GRHL2: variants seen among roughly 807,000 people sequenced by gnomAD.
GRHL2 encodes the protein grainyhead-like protein 2 homolog.
In GRHL2, 21 loss-of-function variants were observed where a neutral mutation model predicts 83.8. The ratio of observed to expected loss-of-function variants is 0.25; its 90% CI spans 0.18 to 0.36. The LOEUF (loss-of-function observed/expected upper bound fraction) is 0.36. GRHL2 is among the 10% of genes least tolerant of loss of function. GRHL2 has a pLI of 1.00. For synonymous variants in GRHL2, 280 were observed against 278.9 expected (o/e 1.00, Z -0.04); for missense variants, 623 against 781.8 (o/e 0.80, Z 2.42).
At chr8:101,634,648 C>T (rs1364838605) in intron 11 of GRHL2, among the ~76,000 whole-genome samples, 2 of 152,216 alleles carry the variant, frequency 1.3e-5, no homozygotes, top group African/African-American at 4.8e-5. Flanking sequence ...CAGTTGTGCA[C>T]AACTGCGGGG....
intron 11 of GRHL2, among the ~76,000 whole-genome samples, chr8:101,634,184 A>G (rs560873724): frequency 6.6e-6 from 1 of 152,290 alleles, no homozygotes; most frequent in East Asian, 1.9e-4. Flanking sequence ...GGCCTTCCTC[A>G]GAGCTCTCAG....
At position 101,666,777 on chromosome 8, in the gene GRHL2, C is replaced by T; in HGVS notation, c.*74C>T. 1.1e-6 allele frequency: 1 copy of T among 915,514 alleles called. No individual in the cohort carries two copies. Among genetic ancestry groups the T allele is most frequent in the Non-Finnish European group, 1.8e-6 (1 of 552,188 alleles). 56.7% of individuals were successfully genotyped at this position (915,514 alleles called of 1,614,324 possible). On this transcript the variant is annotated 3_prime_UTR_variant, in exon 16 of 16. Coordinates refer to ENST00000646743, the MANE Select transcript of GRHL2 (RefSeq NM_024915.4). ...CTGAGAGAGACAGAAGCCCCAGCCC[C>T]AGAACCTGGAGACCCATCTCCCCCA...
chr8:101,514,410 G>A (rs914354210), intron 1 of GRHL2, among the ~76,000 whole-genome samples: 1 of 152,230 alleles, frequency 6.6e-6, no homozygotes, highest in Non-Finnish European at 1.5e-5. Flanking sequence ...AGGGAATGGA[G>A]TAGGGGAGCT....
chr8:101,506,417 T>C (rs537987763), intron 1 of GRHL2, among the ~76,000 whole-genome samples: 3 of 152,350 alleles, frequency 2.0e-5, no homozygotes, highest in East Asian at 3.9e-4. Context: ...AGTATATCAA[T>C]GTGGTTTTAC....
intron 14 of GRHL2, among the ~76,000 whole-genome samples, chr8:101,652,723 A>G (rs1219419459): frequency 6.6e-6 from 1 of 151,974 alleles, no homozygotes; most frequent in East Asian, 1.9e-4. Flanking sequence ...CTAGCTGGAC[A>G]AGTTTCTTAA....
At chr8:101,652,565 TGTGTGTGTG>T (rs1444634566) in intron 14 of GRHL2, among the ~76,000 whole-genome samples, 1 of 100,634 alleles carries the variant, frequency 9.9e-6, no homozygotes, top group South Asian at 3.6e-4. Flanking sequence ...TGTGTGGTGG[TGTGTGTGTG>T]GTGTGTGTGG....
chr8:101,571,007 C>A (rs947113307), intron 5 of GRHL2, among the ~76,000 whole-genome samples: 5 of 152,212 alleles, frequency 3.3e-5, no homozygotes, highest in Non-Finnish European at 4.4e-5. Flanking sequence ...CACTCAGGTG[C>A]CTTCCATGTG....
chr8:101,654,114 A>G lies in GRHL2; in HGVS notation c.1698+4615A>G, dbSNP rs117134785. ...TGGGTCTAGGCTACCACCTTCATCA[A>G]GGGCTTGGGAAGACTAAATGCTCTC... On this transcript the variant is annotated intron_variant, in intron 14 of 15. Transcript: ENST00000646743. 3.8e-3 allele frequency among the ~76,000 whole-genome samples: 585 copies of G among 152,364 alleles called. 9 individuals are homozygous for G. The East Asian group carries it at 0.058, about 15-fold the overall frequency.
chr8:101,616,098 C>CTTCT lies in GRHL2; in HGVS notation c.1099-3427_1099-3424dup, dbSNP rs371687679. Reference sequence around the variant, plus strand: ...TCCCTCCCTCCCTTTCTCTTTCTTTCTTCTTTCTTTCTTTCTTCCTCTTTC... The same window carrying CTTCT: ...TCCCTCCCTCCCTTTCTCTTTCTTTCTTCTTTCTTTCTTTCTTTCTTCCTCTTTC... On this transcript the variant is annotated intron_variant, in intron 8 of 15. Coordinates refer to ENST00000646743, the MANE Select transcript of GRHL2 (RefSeq NM_024915.4). 1.0e-3 allele frequency among the ~76,000 whole-genome samples: 134 copies of CTTCT among 130,516 alleles called. 2 individuals are homozygous for CTTCT. The East Asian group carries it at 0.017, about 17-fold the overall frequency. 85.6% of individuals were successfully genotyped at this position (130,516 alleles called of 152,430 possible). A position where few individuals can be genotyped will look rare whatever the true frequency, so the allele number is the denominator to read the frequency against.
intron 7 of GRHL2, among the ~76,000 whole-genome samples, chr8:101,579,727 T>G (rs1812010500): frequency 6.6e-6 from 1 of 152,228 alleles, no homozygotes; most frequent in Non-Finnish European, 1.5e-5. Flanking sequence ...TTGTAAACAC[T>G]ATTTCCCACA....
rs1428875803 is a variant in GRHL2, at chr8:101,588,689, C to T, written c.1004-10368C>T. Among the ~76,000 whole-genome samples the T allele has an allele frequency of 4.6e-5, 7 of 152,178 alleles. No individual in the cohort carries two copies. The East Asian group carries it at 1.3e-3, about 29-fold the overall frequency. On this transcript the variant is annotated intron_variant, in intron 7 of 15. Transcript: ENST00000646743. ...GATAATCCACTTGAAGATTTATAGT[C>T]TTTCTTCTGCACTGCCAATTACCAA...
At chr8:101,607,653 C>A (rs1262617408) in intron 8 of GRHL2, among the ~76,000 whole-genome samples, 2 of 152,094 alleles carry the variant, frequency 1.3e-5, no homozygotes, top group Admixed American at 1.3e-4. Context: ...GGGGGGCACT[C>A]CTGGGAGGGG....
chr8:101,583,684 A>G (rs143609982), intron 7 of GRHL2, among the ~76,000 whole-genome samples: 1 of 152,354 alleles, frequency 6.6e-6, no homozygotes, highest in African/African-American at 2.4e-5. Flanking sequence ...TCACAAATAA[A>G]AAAAGTTAAC....
the GRHL2 span, among the ~76,000 whole-genome samples, chr8:101,678,172 T>C: frequency 1.3e-5 from 2 of 151,880 alleles, no homozygotes; most frequent in African/African-American, 2.4e-5. Flanking sequence ...TCTGAGGTAC[T>C]GGGTTCATCT....
In GRHL2 at chr8:101,615,087, G is replaced by C. The variant is rs140691720; in HGVS notation, c.1099-4452G>C. Among the ~76,000 whole-genome samples, 865 of 152,308 alleles carry C rather than the reference G, an allele frequency of 5.7e-3. 11 individuals are homozygous for C. Among genetic ancestry groups the C allele is most frequent in the African/African-American group, 0.02 (827 of 41,552 alleles). On this transcript the variant is annotated intron_variant, in intron 8 of 15. Coordinates refer to ENST00000646743, the MANE Select transcript of GRHL2 (RefSeq NM_024915.4). ...TCTACTAAGGACCTCTCTCTATTGA[G>C]AGAACCTAGCCTAAGTGTCTCCCGG...
chr8:101,536,187 G>A (rs894185906), intron 1 of GRHL2, among the ~76,000 whole-genome samples: 3 of 152,160 alleles, frequency 2.0e-5, no homozygotes, highest in African/African-American at 7.2e-5. Flanking sequence ...AAGTAGGTTG[G>A]AACCAGATAA....
chr8:101,598,960 C>G (rs147533924), intron 7 of GRHL2, 97 bp from the exon 8 acceptor site: 1 of 831,790 alleles, frequency 1.2e-6, no homozygotes, highest in African/African-American at 1.7e-5. Flanking sequence ...GAAAAATAAA[C>G]GAAGTTTAAA....
At position 101,668,675 on chromosome 8, in the gene GRHL2, G is replaced by A. The variant is rs541165890; in HGVS notation, c.*1972G>A. On this transcript the variant is annotated 3_prime_UTR_variant, in exon 16 of 16. Transcript: ENST00000646743. ...CAGGGTACTAATGGGGCTCTGTTCT[G>A]AGATGGACAAATTCAGTGTTGGAAA... 1 of 152,546 alleles carries A rather than the reference G, an allele frequency of 6.6e-6. No individual in the cohort carries two copies. Among genetic ancestry groups the A allele is most frequent in the Admixed American group, 6.5e-5 (1 of 15,308 alleles). The allele number at this position is 152,546 out of a possible 1,614,324, so 9.4% of individuals were successfully genotyped here.
At chr8:101,672,143 G>A (rs1193459125), downstream of GRHL2, among the ~76,000 whole-genome samples, 1 of 151,716 alleles carries the variant, frequency 6.6e-6, no homozygotes, top group Non-Finnish European at 1.5e-5. Flanking sequence ...AAAAAGCAGA[G>A]CACCTCTCCT....
Sources: gnomAD v4.1 joint callset for allele counts (sites outside exome capture counted in the v4.1 genomes callset) on GRCh38, gnomAD v4.1.1 for gene constraint, MANE v1.5 for transcripts, NCBI Gene and HGNC (gene_info 2026-07-23, HGNC 2026-07-21) for gene names.